Variants in C12orf57 observed in about 807,000 individuals in gnomAD.
C12orf57 encodes the protein chromosome 12 open reading frame 57, also known as protein C10.
A neutral mutation model predicts 11.3 loss-of-function variants in C12orf57; 14 were observed. The observed-to-expected ratio is 1.24, with a 90% CI of 0.82 to 1.94. The LOEUF (loss-of-function observed/expected upper bound fraction) is 1.94, where lower values mean the gene tolerates loss of function less well. C12orf57 is among the 30% of genes most tolerant of loss of function. The pLI is 0.00. For synonymous variants in C12orf57, 100 were observed against 74.6 expected (o/e 1.34, Z -1.76); for missense variants, 229 against 172.4 (o/e 1.33, Z -1.84).
chr12:6,943,735 C>T, upstream of C12orf57: 2 of 1,236,802 alleles, frequency 1.6e-6, no homozygotes, highest in South Asian at 1.4e-5. Flanking sequence ...GTAATAGGAA[C>T]AAGAAAAAAG....
At position 6,944,626 on chromosome 12, in the gene C12orf57, C is replaced by T. The variant is rs944645985; in HGVS notation, c.203C>T (p.Ala68Val). The change falls in exon 2 of 3, where the codon GCC (alanine) becomes GTC (valine). Residue 68 changes from alanine (A) to valine (V), a missense_variant. By Grantham distance (64) the Ala-to-Val change is moderately conservative (BLOSUM62 0). Transcript: ENST00000229281. ...ATQIQQEVIKAYGFSCDGEGV... is the reference protein window; with the variant it reads ...ATQIQQEVIKVYGFSCDGEGV... ...CAGATCCAGCAGGAGGTTATCAAAG[C>T]CTATGGCTTCAGCTGCGACGGGGAA... The T allele has an allele frequency of 1.9e-6, 3 of 1,613,602 alleles. No individual in the cohort carries two copies. Among genetic ancestry groups the T allele is most frequent in the Non-Finnish European group, 2.5e-6 (3 of 1,179,568 alleles).
intron 2 of C12orf57, chr12:6,944,869 C>T (rs1364802832): frequency 8.5e-6 from 12 of 1,412,124 alleles, no homozygotes; most frequent in African/African-American, 1.4e-5. Context: ...GTATCCCTTA[C>T]CCGAAATGGT....
chr12:6,943,879 C>G (rs112268095), upstream of C12orf57: 63 of 1,006,038 alleles, frequency 6.3e-5, no homozygotes, highest in Non-Finnish European at 6.7e-5. Context: ...GAAAGCCCCT[C>G]TTATGATGTT....
In C12orf57 at chr12:6,944,047, A is replaced by G. The variant is rs1043208534; in HGVS notation, c.-75A>G. The G allele has an allele frequency of 1.1e-4, 178 of 1,611,466 alleles. 1 individual carries two copies. Among genetic ancestry groups the G allele is most frequent in the Middle Eastern group, 1.6e-4 (1 of 6,084 alleles). On this transcript the variant is annotated 5_prime_UTR_variant, in exon 1 of 3. Coordinates refer to ENST00000229281, the MANE Select transcript of C12orf57 (RefSeq NM_138425.4). Reference sequence around the variant, plus strand: ...CCTTTCCGCTCCCAGGGGCGTTGGGAACGGTTGTAGGACGTGGCTCTTTAT... The same window carrying G: ...CCTTTCCGCTCCCAGGGGCGTTGGGGACGGTTGTAGGACGTGGCTCTTTAT...
chr12:6,943,661 A>C, upstream of C12orf57: 2 of 1,287,860 alleles, frequency 1.6e-6, no homozygotes, highest in Non-Finnish European at 2.0e-6. Flanking sequence ...TGAATGACTT[A>C]AGTAAGTTCC....
intron 1 of C12orf57, 126 bp downstream of exon 1, chr12:6,944,299 T>C (rs1555145901): frequency 1.9e-6 from 3 of 1,592,076 alleles, no homozygotes; most frequent in Non-Finnish European, 2.6e-6. Flanking sequence ...GCCGGGAAAA[T>C]GGGGTAGGGG....
At position 6,945,999 on chromosome 12, in the gene C12orf57, CTT is replaced by C; in HGVS notation, c.*78_*79del. ...CAGACAATAATAAATGCGCCTGTGA[CTT>C]AGCCTTGGTGTCAGTCTCTTGCGGA... On this transcript the variant is annotated 3_prime_UTR_variant, in exon 3 of 3. Coordinates refer to ENST00000229281, the MANE Select transcript of C12orf57 (RefSeq NM_138425.4). 1 of 1,512,204 alleles carries C rather than the reference CTT, an allele frequency of 6.6e-7. No homozygotes were observed. Among genetic ancestry groups the C allele is most frequent in the Non-Finnish European group, 8.9e-7 (1 of 1,122,344 alleles). 93.7% of individuals were successfully genotyped at this position (1,512,204 alleles called of 1,614,324 possible). A position where few individuals can be genotyped will look rare whatever the true frequency, so the allele number is the denominator to read the frequency against.
Position 6,944,095 on chromosome 12 carries a change from C to A in C12orf57, c.-27C>A, listed in dbSNP as rs199968230. 4 of 1,614,136 alleles carry A rather than the reference C, an allele frequency of 2.5e-6. No homozygotes were observed. The highest frequency in any genetic ancestry group is 2.2e-5 in the East Asian group (1 of 44,884). Reference sequence around the variant, plus strand: ...TATTCGTGAGTTTTCCATTTACCTCCGCTGAACCTAGAGCTTCAGACGCCC... The same window carrying A: ...TATTCGTGAGTTTTCCATTTACCTCAGCTGAACCTAGAGCTTCAGACGCCC... On this transcript the variant is annotated 5_prime_UTR_variant, in exon 1 of 3. Coordinates refer to ENST00000229281, the MANE Select transcript of C12orf57 (RefSeq NM_138425.4).
At chr12:6,944,236 G>C (rs1191200227) in intron 1 of C12orf57, 63 bp downstream of exon 1, 1 of 1,613,256 alleles carries the variant, frequency 6.2e-7, no homozygotes, top group Middle Eastern at 1.7e-4. Flanking sequence ...ATGGGCTGCT[G>C]GTCTGGGGAG....
chr12:6,945,466 A>G (rs1945778916), intron 2 of C12orf57, among the ~76,000 whole-genome samples: 1 of 152,172 alleles, frequency 6.6e-6, no homozygotes, highest in Admixed American at 6.5e-5. Context: ...AGTTCCAGCT[A>G]CAGACCTGGG....
Position 6,944,042 on chromosome 12 carries a change from T to C in C12orf57, c.-80T>C, listed in dbSNP as rs749416442. ...TGTTTCCTTTCCGCTCCCAGGGGCGTTGGGAACGGTTGTAGGACGTGGCTC... is the reference window on the plus strand; with the variant it reads ...TGTTTCCTTTCCGCTCCCAGGGGCGCTGGGAACGGTTGTAGGACGTGGCTC... On this transcript the variant is annotated 5_prime_UTR_variant, in exon 1 of 3. Coordinates refer to ENST00000229281, the MANE Select transcript of C12orf57 (RefSeq NM_138425.4). 6.8e-6 allele frequency: 11 copies of C among 1,606,590 alleles called. No homozygotes were observed. The highest frequency in any genetic ancestry group is 2.7e-5 in the African/African-American group (2 of 74,678).
Position 6,944,183 on chromosome 12 carries a change from G to C in C12orf57, c.52+10G>C, listed in dbSNP as rs782548692. 1 of 1,614,212 alleles carries C rather than the reference G, an allele frequency of 6.2e-7. No homozygotes were observed. The highest frequency in any genetic ancestry group is 1.1e-5 in the South Asian group (1 of 91,090). ...GCTGAGCAAGCAAAGGGTGAGAATC[G>C]TCCTAGTCAAGGCATAGGCTGCTGG... On this transcript the variant is annotated intron_variant, in intron 1 of 2. Coordinates refer to ENST00000229281, the MANE Select transcript of C12orf57 (RefSeq NM_138425.4).
intron 2 of C12orf57, 162 bp downstream of exon 2, chr12:6,944,814 C>A: frequency 6.8e-7 from 1 of 1,463,456 alleles, no homozygotes; most frequent in Non-Finnish European, 9.1e-7. Flanking sequence ...CAGGGTCTAC[C>A]CTGAGCTTGT....
upstream of C12orf57, chr12:6,943,706 A>C (rs1226042403): frequency 7.8e-7 from 1 of 1,279,424 alleles, no homozygotes; most frequent in Non-Finnish European, 1.0e-6. Context: ...AAGTTACCAC[A>C]TGCGTCGTTG....
chr12:6,944,727 G>C lies in C12orf57; in HGVS notation c.229+75G>C, dbSNP rs1555146129. The C allele has an allele frequency of 3.1e-6, 5 of 1,593,914 alleles. No individual in the cohort carries two copies. In the African/African-American group the frequency reaches 6.7e-5, roughly 21 times the overall value. The stretch of plus-strand genomic sequence containing the variant: ...GTCGGGAGAGGGCGCCGGATCTGTG[G>C]GCCCATGAGCGGTTGTCCCCTTTCT... On this transcript the variant is annotated intron_variant, in intron 2 of 2. Coordinates refer to ENST00000229281, the MANE Select transcript of C12orf57 (RefSeq NM_138425.4).
At chr12:6,943,981 G>GGGCCACGCCTGGGCGCTTCCGGCTGCGCC (rs1945708637), upstream of C12orf57, 1 of 1,575,906 alleles carries the variant, frequency 6.3e-7, no homozygotes, top group Non-Finnish European at 8.5e-7. Context: ...ATGAAGGTTT[G>GGGCCACGCCTGGGCGCTTCCGGCTGCGCC]GGCCACGCCT....
At chr12:6,944,747 C>CTT (rs71067152) in intron 2 of C12orf57, 95 bp downstream of exon 2, 35 of 1,573,430 alleles carry the variant, frequency 2.2e-5, no homozygotes, top group Non-Finnish European at 2.7e-5. Context: ...CGGTTGTCCC[C>CTT]TTTCTCGCCA....
chr12:6,944,007 C>T (rs190605659), upstream of C12orf57: 448 of 1,597,510 alleles, frequency 2.8e-4, 1 homozygote, highest in East Asian at 4.0e-4. Flanking sequence ...CTTCCGGCTG[C>T]GCCGGATGCT....
intron 1 of C12orf57, 79 bp from the exon 2 acceptor site, chr12:6,944,397 C>G (rs937760994): frequency 2.6e-6 from 4 of 1,564,644 alleles, no homozygotes; most frequent in Non-Finnish European, 2.6e-6. Context: ...CCACTAATTC[C>G]TTGCGCTCTC....
Sources: allele counts gnomAD v4.1 joint callset (sites outside exome capture counted in the v4.1 genomes callset), GRCh38; gene constraint gnomAD v4.1.1; transcripts MANE v1.5; gene names NCBI Gene and HGNC (gene_info 2026-07-23, HGNC 2026-07-21).